The following NRG3 variants were observed in gnomAD, a reference collection of about 807,000 sequenced individuals.
The protein encoded by NRG3 is pro-neuregulin-3, membrane-bound isoform.
In NRG3, 31 loss-of-function variants were observed where a neutral mutation model predicts 66.9. The ratio of observed to expected loss-of-function variants is 0.46; its 90% CI spans 0.35 to 0.63. NRG3 has a LOEUF of 0.63. Among genes scored for constraint, NRG3 ranks in the 20% least tolerant of loss-of-function variants. NRG3 has a pLI of 0.00. For synonymous variants in NRG3, 393 were observed against 359.4 expected (o/e 1.09, Z -1.06); for missense variants, 910 against 878.9 (o/e 1.04, Z -0.45).
At chr10:82,793,509 A>G (rs1028317206) in intron 3 of NRG3, among the ~76,000 whole-genome samples, 1 of 152,194 alleles carries the variant, frequency 6.6e-6, no homozygotes, top group African/African-American at 2.4e-5. Flanking sequence ...GTTCAGTGAC[A>G]TCTCTCTACC....
intron 1 of NRG3, among the ~76,000 whole-genome samples, chr10:81,998,413 T>C (rs756807791): frequency 6.6e-6 from 1 of 152,192 alleles, no homozygotes; most frequent in Non-Finnish European, 1.5e-5. Flanking sequence ...ACTCTGATTC[T>C]AGGAACTTTG....
At chr10:82,296,961 T>A (rs1591540) in intron 1 of NRG3, among the ~76,000 whole-genome samples, 1 of 151,856 alleles carries the variant, frequency 6.6e-6, no homozygotes, top group African/African-American at 2.4e-5. Flanking sequence ...GGAGTCCCCA[T>A]TGTCTATTGT....
intron 1 of NRG3, among the ~76,000 whole-genome samples, chr10:82,184,000 A>G (rs1179425322): frequency 6.6e-6 from 1 of 152,028 alleles, no homozygotes; most frequent in African/African-American, 2.4e-5. Flanking sequence ...CTTTTTTGCA[A>G]GAGGAATAGA....
intron 2 of NRG3, among the ~76,000 whole-genome samples, chr10:82,552,543 C>T (rs1297058957): frequency 6.6e-6 from 1 of 152,012 alleles, no homozygotes; most frequent in Non-Finnish European, 1.5e-5. Context: ...CCCAGAAGTC[C>T]TCAAAGTATC....
At chr10:82,479,047 C>T (rs929063646) in intron 2 of NRG3, among the ~76,000 whole-genome samples, 28 of 152,266 alleles carry the variant, frequency 1.8e-4, no homozygotes, top group Non-Finnish European at 3.2e-4. Flanking sequence ...AGGATATCCA[C>T]TATCCAATTT....
intron 2 of NRG3, among the ~76,000 whole-genome samples, chr10:82,400,080 A>C (rs1429356585): frequency 6.6e-6 from 1 of 152,202 alleles, no homozygotes; most frequent in Non-Finnish European, 1.5e-5. Context: ...CAGATATTAA[A>C]TAATTTAATC....
chr10:82,424,501 A>G lies in NRG3; in HGVS notation c.953+65633A>G, dbSNP rs530075055. 1.4e-4 allele frequency among the ~76,000 whole-genome samples: 21 copies of G among 152,046 alleles called. No individual in the cohort carries two copies. The South Asian group carries it at 3.9e-3, about 29-fold the overall frequency. On this transcript the variant is annotated intron_variant, in intron 2 of 8. Coordinates refer to ENST00000372141, the MANE Select transcript of NRG3 (RefSeq NM_001010848.4). ...TAAAAATTGGGTGATTTGTGTTTTT[A>G]TCATTATTATATGACATTTTCATAT...
intron 1 of NRG3, among the ~76,000 whole-genome samples, chr10:82,017,438 C>T (rs1564740914): frequency 6.6e-6 from 1 of 152,142 alleles, no homozygotes; most frequent in Non-Finnish European, 1.5e-5. Context: ...ATTTATAGTC[C>T]TTTGGGTATA....
intron 1 of NRG3, among the ~76,000 whole-genome samples, chr10:81,966,759 G>C (rs2059745255): frequency 6.6e-6 from 1 of 152,096 alleles, no homozygotes; most frequent in South Asian, 2.1e-4. Context: ...TTACTGTTTA[G>C]ATAATTCTCT....
intron 2 of NRG3, among the ~76,000 whole-genome samples, chr10:82,730,295 A>G (rs2057834111): frequency 6.6e-6 from 1 of 151,916 alleles, no homozygotes; most frequent in Non-Finnish European, 1.5e-5. Context: ...TGTGTTAGCC[A>G]GGATGGTCTC....
At chr10:82,475,486 CAGGAA>C in intron 2 of NRG3, among the ~76,000 whole-genome samples, 1 of 151,958 alleles carries the variant, frequency 6.6e-6, no homozygotes, top group Non-Finnish European at 1.5e-5. Flanking sequence ...AAGAAAAGCC[CAGGAA>C]CAGATGGCTT....
At chr10:82,446,529 G>A (rs2136509732) in intron 2 of NRG3, among the ~76,000 whole-genome samples, 1 of 152,248 alleles carries the variant, frequency 6.6e-6, no homozygotes, top group African/African-American at 2.4e-5. Context: ...GCAAACTAAT[G>A]CAAAAACAGA....
chr10:82,509,211 T>C (rs1192504289), intron 2 of NRG3, among the ~76,000 whole-genome samples: 1 of 152,162 alleles, frequency 6.6e-6, no homozygotes, highest in Non-Finnish European at 1.5e-5. Context: ...CTGCAATCAA[T>C]GACAACAGAA....
intron 4 of NRG3, among the ~76,000 whole-genome samples, chr10:82,925,746 TC>T (rs548626913): frequency 2.0e-5 from 3 of 151,846 alleles, no homozygotes; most frequent in Non-Finnish European, 4.4e-5. Context: ...AGTCACTCTT[TC>T]TTTGCTTGGT....
chr10:82,973,966 G>T (rs1297504543), intron 7 of NRG3, 51 bp downstream of exon 7: 2 of 1,605,038 alleles, frequency 1.2e-6, no homozygotes, highest in East Asian at 4.5e-5. Context: ...CTGTGTGTAT[G>T]CTGGGTGGCA....
intron 3 of NRG3, among the ~76,000 whole-genome samples, chr10:82,847,342 A>T (rs565895449): frequency 6.6e-6 from 1 of 152,336 alleles, no homozygotes; most frequent in South Asian, 2.1e-4. Flanking sequence ...CTTTGAATAG[A>T]TGTGGTACAG....
chr10:82,189,491 A>G (rs976076216), intron 1 of NRG3, among the ~76,000 whole-genome samples: 3 of 151,358 alleles, frequency 2.0e-5, no homozygotes, highest in Non-Finnish European at 2.9e-5. Flanking sequence ...CCTTGTCTCT[A>G]CTAAACATAA....
At chr10:82,394,010 T>C (rs1167154066) in intron 2 of NRG3, among the ~76,000 whole-genome samples, 1 of 152,216 alleles carries the variant, frequency 6.6e-6, no homozygotes, top group Non-Finnish European at 1.5e-5. Flanking sequence ...CACACTCCCA[T>C]ACAAATCCTA....
At chr10:82,058,566 A>C (rs150617538) in intron 1 of NRG3, among the ~76,000 whole-genome samples, 4,631 of 150,642 alleles carry the variant, frequency 0.031, 149 homozygotes, top group East Asian at 0.14. Context: ...TATAATATAT[A>C]TTTATAAATA....
Sources: gnomAD v4.1 joint callset for allele counts (sites outside exome capture counted in the v4.1 genomes callset) on GRCh38, gnomAD v4.1.1 for gene constraint, MANE v1.5 for transcripts, NCBI Gene and HGNC (gene_info 2026-07-23, HGNC 2026-07-21) for gene names.